Variants in CTNND2 observed in about 807,000 individuals in gnomAD.
CTNND2 encodes the protein catenin delta-2.
A neutral mutation model predicts 144.4 loss-of-function variants in CTNND2; 22 were observed. The observed-to-expected ratio is 0.15, with a 90% CI of 0.11 to 0.22. The LOEUF is 0.22. Ranked by LOEUF, CTNND2 falls within the 10% of genes least tolerant of loss-of-function variation. The probability of loss-of-function intolerance (pLI) is 1.00; values close to 1 mark genes in which losing one functional copy is unlikely to be tolerated. For synonymous variants in CTNND2, 751 were observed against 695.6 expected, an observed-to-expected ratio of 1.08 and a Z score of -1.25; for missense variants, 1,353 against 1,618.8, an observed-to-expected ratio of 0.84 and a Z score of 2.82.
At chr5:11,140,695 T>C (rs1756641165) in intron 12 of CTNND2, among the ~76,000 whole-genome samples, 2 of 152,120 alleles carry the variant, frequency 1.3e-5, no homozygotes, top group African/African-American at 4.8e-5. Flanking sequence ...GGATGTGCAA[T>C]GGAAAGAAGG....
intron 3 of CTNND2, among the ~76,000 whole-genome samples, chr5:11,497,511 C>CGGG (rs940620634): frequency 5.2e-3 from 32 of 6,194 alleles, no homozygotes; most frequent in Middle Eastern, 0.042. Flanking sequence ...GAATGATGTG[C>CGGG]GGGGGGGTGG....
At chr5:11,684,102 A>T (rs916806678) in intron 2 of CTNND2, among the ~76,000 whole-genome samples, 9 of 151,370 alleles carry the variant, frequency 5.9e-5, no homozygotes, top group Non-Finnish European at 7.4e-5. Context: ...TTTTATTTTT[A>T]TTTTTTATTT....
At chr5:11,763,169 T>A (rs1045689914) in intron 1 of CTNND2, among the ~76,000 whole-genome samples, 4 of 152,148 alleles carry the variant, frequency 2.6e-5, no homozygotes, top group African/African-American at 9.7e-5. Context: ...CCATCATGAG[T>A]GTATGTTTCC....
intron 2 of CTNND2, among the ~76,000 whole-genome samples, chr5:11,724,691 G>A (rs913012982): frequency 5.9e-5 from 9 of 152,032 alleles, no homozygotes; most frequent in East Asian, 1.9e-4. Context: ...TAGAAGATAC[G>A]GCAGTGTCAA....
intron 2 of CTNND2, among the ~76,000 whole-genome samples, chr5:11,712,722 T>C (rs1273536057): frequency 6.6e-6 from 1 of 152,226 alleles, no homozygotes. Flanking sequence ...AAGAAGAGGG[T>C]AAAATAAAAC....
chr5:11,385,217 G>C lies in CTNND2; in HGVS notation c.625C>G (p.Arg209Gly), dbSNP rs1440796506. 9.5e-7 allele frequency: 1 copy of C among 1,055,000 alleles called. No individual in the cohort carries two copies. The highest frequency in any genetic ancestry group is 1.1e-6 in the Non-Finnish European group (1 of 876,252). 65.4% of individuals were successfully genotyped at this position (1,055,000 alleles called of 1,614,324 possible). The change falls in exon 7 of 22, where the codon CGC (arginine) becomes GGC (glycine). Residue 209 changes from arginine to glycine, a missense_variant. Physicochemically the swap from Arg to Gly is moderately radical, Grantham distance 125. Around this residue, in one of 4 missense-constraint regions of CTNND2, gnomAD observed 708 missense variants for 706.4 expected, o/e 1.00. Transcript: ENST00000304623. ...TCGGGCCCCGCCAGGTGGCCGGCGC[G>C]GCTGGTCGTGCCCTGTGCCCGGGAG... ...GQSFSQGTTSRAGHLAGPEPA... is the reference protein window; with the variant it reads ...GQSFSQGTTSGAGHLAGPEPA...
intron 3 of CTNND2, among the ~76,000 whole-genome samples, chr5:11,491,677 C>T (rs182646299): frequency 1.3e-5 from 2 of 152,282 alleles, no homozygotes; most frequent in African/African-American, 4.8e-5. Flanking sequence ...AAGGCTCATG[C>T]CCGTCATCAC....
At chr5:11,335,809 T>C (rs1395630549) in intron 9 of CTNND2, among the ~76,000 whole-genome samples, 2 of 152,200 alleles carry the variant, frequency 1.3e-5, no homozygotes, top group South Asian at 4.1e-4. Context: ...AAAATACCTC[T>C]GATTGGTTGC....
At chr5:11,406,293 T>C (rs889514283) in intron 5 of CTNND2, among the ~76,000 whole-genome samples, 13 of 152,332 alleles carry the variant, frequency 8.5e-5, no homozygotes, top group African/African-American at 3.1e-4. Context: ...CTTGGGCACA[T>C]CTGGGATAAG....
intron 2 of CTNND2, among the ~76,000 whole-genome samples, chr5:11,627,157 C>G (rs1333367525): frequency 2.6e-5 from 4 of 152,138 alleles, no homozygotes; most frequent in African/African-American, 7.2e-5. Context: ...ACTGGAAGAA[C>G]TAGGGAATTC....
chr5:11,023,979 C>G (rs1363502025), intron 16 of CTNND2, among the ~76,000 whole-genome samples: 1 of 152,206 alleles, frequency 6.6e-6, no homozygotes, highest in East Asian at 1.9e-4. Flanking sequence ...TGGCAAGTGC[C>G]TAAAGTTAGA....
chr5:11,000,571 T>G (rs1003154901), intron 18 of CTNND2, among the ~76,000 whole-genome samples: 1 of 152,196 alleles, frequency 6.6e-6, no homozygotes, highest in Admixed American at 6.5e-5. Context: ...CACAGGAGTT[T>G]GTTAGCTTTG....
intron 1 of CTNND2, among the ~76,000 whole-genome samples, chr5:11,781,789 T>C (rs1790554017): frequency 1.3e-5 from 2 of 152,230 alleles, no homozygotes; most frequent in African/African-American, 4.8e-5. Context: ...CAATTACCCA[T>C]TTGATCTTCT....
chr5:11,572,285 T>C (rs770583945), intron 2 of CTNND2, among the ~76,000 whole-genome samples: 1 of 152,154 alleles, frequency 6.6e-6, no homozygotes, highest in Non-Finnish European at 1.5e-5. Flanking sequence ...GCTGATCATG[T>C]TCCTGTTTAG....
intron 2 of CTNND2, among the ~76,000 whole-genome samples, chr5:11,602,569 T>A (rs1169789412): frequency 6.6e-6 from 1 of 151,322 alleles, no homozygotes; most frequent in Admixed American, 6.6e-5. Context: ...ACTAATGGAA[T>A]AACCTTACAA....
At chr5:11,114,730 A>G (rs769637806) in intron 13 of CTNND2, among the ~76,000 whole-genome samples, 2 of 152,148 alleles carry the variant, frequency 1.3e-5, no homozygotes, top group African/African-American at 2.4e-5. Context: ...CAATTATAGG[A>G]CCAGAGTCAC....
intron 2 of CTNND2, among the ~76,000 whole-genome samples, chr5:11,578,265 G>GT (rs953461015): frequency 1.3e-5 from 2 of 152,014 alleles, no homozygotes; most frequent in African/African-American, 4.8e-5. Flanking sequence ...TAGCATAATA[G>GT]TTTTATTATT....
chr5:11,788,699 T>C (rs1790974601), intron 1 of CTNND2, among the ~76,000 whole-genome samples: 1 of 152,146 alleles, frequency 6.6e-6, no homozygotes, highest in Admixed American at 6.5e-5. Flanking sequence ...TTTATTATAC[T>C]TTAAGTTCTA....
intron 16 of CTNND2, among the ~76,000 whole-genome samples, chr5:11,037,459 A>G (rs531057177): frequency 1.3e-5 from 2 of 152,170 alleles, no homozygotes; most frequent in African/African-American, 4.8e-5. Context: ...ACGCATCCCT[A>G]TATCAGCTGA....
Sources: allele counts gnomAD v4.1 joint callset (sites outside exome capture counted in the v4.1 genomes callset), GRCh38; gene constraint gnomAD v4.1.1; regional missense constraint gnomAD v4.1.1; transcripts MANE v1.5; gene names NCBI Gene and HGNC (gene_info 2026-07-23, HGNC 2026-07-21).